The following SLC35D4 variants were observed in gnomAD, a reference collection of about 807,000 sequenced individuals.
SLC35D4 encodes solute carrier family 35 member D4, also known as UDP-N-acetylglucosamine transporter SLC35D4.
the SLC35D4 span, among the ~76,000 whole-genome samples, chr18:23,361,392 C>G: frequency 2.0e-5 from 3 of 152,130 alleles, no homozygotes; most frequent in South Asian, 6.2e-4. Flanking sequence ...GTGGGCTAGA[C>G]TTGGTCCAAT....
At chr18:23,267,185 G>A in the SLC35D4 span, among the ~76,000 whole-genome samples, 1 of 152,194 alleles carries the variant, frequency 6.6e-6, no homozygotes. Flanking sequence ...GCAGTTTTGT[G>A]AGACGCGATG....
chr18:23,417,241 C>CAA, the SLC35D4 span, among the ~76,000 whole-genome samples: 536 of 134,500 alleles, frequency 4.0e-3, 2 homozygotes, highest in Admixed American at 6.9e-3. Context: ...GACCTTGCCT[C>CAA]AAAAAAAAAA....
At chr18:23,259,145 G>A in the SLC35D4 span, 1 of 152,260 alleles carries the variant, frequency 6.6e-6, no homozygotes, top group South Asian at 2.1e-4. Flanking sequence ...ACTACAAAAT[G>A]CCCTTGGCCT....
At chr18:23,282,063 A>T in the SLC35D4 span, among the ~76,000 whole-genome samples, 1 of 152,190 alleles carries the variant, frequency 6.6e-6, no homozygotes, top group Non-Finnish European at 1.5e-5. Context: ...TGCCATGCAA[A>T]TCAACTGGCC....
the SLC35D4 span, among the ~76,000 whole-genome samples, chr18:23,321,325 T>G: frequency 6.6e-6 from 1 of 152,224 alleles, no homozygotes; most frequent in Non-Finnish European, 1.5e-5. Flanking sequence ...CAGTCTACTC[T>G]GAAGTAGGTT....
chr18:23,398,864 T>C, the SLC35D4 span, among the ~76,000 whole-genome samples: 1 of 152,240 alleles, frequency 6.6e-6, no homozygotes, highest in South Asian at 2.1e-4. Context: ...TTCTAATAGA[T>C]AAAAACAGTT....
the SLC35D4 span, among the ~76,000 whole-genome samples, chr18:23,239,604 G>A: frequency 6.6e-6 from 1 of 152,170 alleles, no homozygotes. Flanking sequence ...GCGCTGGGGT[G>A]TTTGCTTTAT....
the SLC35D4 span, among the ~76,000 whole-genome samples, chr18:23,255,781 G>A: frequency 2.6e-5 from 4 of 151,840 alleles, no homozygotes; most frequent in South Asian, 2.1e-4. Context: ...GGCTAGTCTC[G>A]AACTCCTGGC....
At chr18:23,290,994 A>G in the SLC35D4 span, among the ~76,000 whole-genome samples, 2 of 152,086 alleles carry the variant, frequency 1.3e-5, no homozygotes, top group South Asian at 2.1e-4. Flanking sequence ...AGTAAGTTCC[A>G]GGAGGGCTCA....
the SLC35D4 span, among the ~76,000 whole-genome samples, chr18:23,317,144 T>C: frequency 8.8e-6 from 1 of 113,238 alleles, no homozygotes; most frequent in African/African-American, 3.5e-5. Flanking sequence ...TCCAAAATCC[T>C]GGGAGAAGTT....
the SLC35D4 span, among the ~76,000 whole-genome samples, chr18:23,307,967 C>A: frequency 1.3e-5 from 2 of 152,176 alleles, no homozygotes; most frequent in Non-Finnish European, 2.9e-5. Flanking sequence ...AACACCACCC[C>A]ACACCCAACT....
the SLC35D4 span, among the ~76,000 whole-genome samples, chr18:23,406,398 A>G: frequency 1.3e-5 from 2 of 152,284 alleles, no homozygotes; most frequent in Admixed American, 1.3e-4. Context: ...AAAGAATGTG[A>G]CCTTCGTGGT....
chr18:23,414,295 G>GAAGAAGGAAGGA, the SLC35D4 span, among the ~76,000 whole-genome samples: 23 of 124,048 alleles, frequency 1.9e-4, no homozygotes, highest in Non-Finnish European at 3.5e-4. Flanking sequence ...AAAAGGAAAG[G>GAAGAAGGAAGGA]AGGAAGGAAG....
At chr18:23,368,912 A>G in the SLC35D4 span, among the ~76,000 whole-genome samples, 1 of 152,348 alleles carries the variant, frequency 6.6e-6, no homozygotes, top group African/African-American at 2.4e-5. Context: ...ACCAGTTACT[A>G]GTTCATTTTA....
At chr18:23,357,146 C>T in the SLC35D4 span, among the ~76,000 whole-genome samples, 2 of 152,138 alleles carry the variant, frequency 1.3e-5, no homozygotes, top group Non-Finnish European at 2.9e-5. Context: ...AGACTCTTTT[C>T]TTCTTTTCTG....
the SLC35D4 span, among the ~76,000 whole-genome samples, chr18:23,284,180 C>T: frequency 6.6e-6 from 1 of 152,184 alleles, no homozygotes; most frequent in Non-Finnish European, 1.5e-5. Flanking sequence ...TTACAGCATC[C>T]TGTCTAATCA....
At chr18:23,286,743 C>G in the SLC35D4 span, among the ~76,000 whole-genome samples, 17 of 151,914 alleles carry the variant, frequency 1.1e-4, no homozygotes, top group African/African-American at 4.1e-4. Flanking sequence ...CTCCCCAACT[C>G]TGGTGCCAAC....
At chr18:23,364,936 A>AATTGG in the SLC35D4 span, among the ~76,000 whole-genome samples, 1 of 113,852 alleles carries the variant, frequency 8.8e-6, no homozygotes, top group Non-Finnish European at 1.9e-5. Flanking sequence ...AAAAAAAAGG[A>AATTGG]CTCCTTTCTT....
chr18:23,251,154 T>A, the SLC35D4 span, among the ~76,000 whole-genome samples: 2 of 152,206 alleles, frequency 1.3e-5, no homozygotes, highest in Non-Finnish European at 2.9e-5. Context: ...TTTGACTGAT[T>A]AAGATTATGG....
Sources: allele counts gnomAD v4.1 joint callset (sites outside exome capture counted in the v4.1 genomes callset), GRCh38; gene constraint gnomAD v4.1.1; transcripts MANE v1.5; gene names NCBI Gene and HGNC (gene_info 2026-07-23, HGNC 2026-07-21).